Variants in SIDT1 observed in about 807,000 individuals in gnomAD.
SIDT1 encodes SID1 transmembrane family, member 1.
SIDT1 carries 101 observed loss-of-function variants against 107.5 expected under a neutral mutation model. That is an observed-to-expected ratio of 0.94 (90% CI 0.80 to 1.11). The LOEUF (loss-of-function observed/expected upper bound fraction) is 1.11, where lower values mean the gene tolerates loss of function less well. Ranked by LOEUF, SIDT1 falls within the 50% of genes least tolerant of loss-of-function variation. The pLI is 0.00. For synonymous variants in SIDT1, 395 were observed against 398.2 expected, an observed-to-expected ratio of 0.99 and a Z score of 0.10; for missense variants, 1,076 against 1,058.2, an observed-to-expected ratio of 1.02 and a Z score of -0.23.
In SIDT1 at chr3:113,628,791, C is replaced by T. The variant is rs907065499; in HGVS notation, c.*1083C>T. The T allele has an allele frequency of 6.6e-6, 1 of 152,218 alleles. No individual in the cohort carries two copies. The highest frequency in any genetic ancestry group is 1.5e-5 in the Non-Finnish European group (1 of 68,052). The allele number at this position is 152,218 out of a possible 1,614,324, so 9.4% of individuals were successfully genotyped here. Reference sequence around the variant, plus strand: ...TGTAGATCAGGGTTCTAGACTTCTTCCCTGAGGTTCTCAGAAGCAGCTCTC... The same window carrying T: ...TGTAGATCAGGGTTCTAGACTTCTTTCCTGAGGTTCTCAGAAGCAGCTCTC... On this transcript the variant is annotated 3_prime_UTR_variant, in exon 25 of 25. Coordinates refer to ENST00000264852, the MANE Select transcript of SIDT1 (RefSeq NM_017699.3).
intron 1 of SIDT1, among the ~76,000 whole-genome samples, chr3:113,534,031 T>C (rs1937795479): frequency 6.6e-6 from 1 of 152,120 alleles, no homozygotes; most frequent in Non-Finnish European, 1.5e-5. Context: ...TTCTTTCCTC[T>C]AGTGTGGTAC....
At position 113,580,616 on chromosome 3, in the gene SIDT1, A is replaced by G. The variant is rs766298087; in HGVS notation, c.570A>G (p.Leu190=). 1.1e-5 allele frequency: 18 copies of G among 1,595,514 alleles called. No homozygotes were observed. The East Asian group carries it at 3.1e-4, about 28-fold the overall frequency. The stretch of plus-strand genomic sequence containing the variant: ...CTTTTTCTTATTCTCAGTATTTTCT[A>G]TACAAGTTTCCCAAAGACGTGGACT... ...TASPSQPQYF[L]YKFPKDVDSV... Residue 190 remains leucine (L), a synonymous_variant, in exon 5 of 25, where the codon CTA becomes CTG. Transcript: ENST00000264852.
At chr3:113,562,349 A>G (rs567253885) in intron 1 of SIDT1, among the ~76,000 whole-genome samples, 6 of 152,390 alleles carry the variant, frequency 3.9e-5, no homozygotes, top group African/African-American at 1.4e-4. Context: ...CATGTCTCCC[A>G]GCAATTCTAC....
intron 10 of SIDT1, among the ~76,000 whole-genome samples, chr3:113,594,300 C>T (rs1284552034): frequency 6.6e-6 from 1 of 152,164 alleles, no homozygotes; most frequent in Admixed American, 6.5e-5. Context: ...TAAAAGAACA[C>T]CTGCTCTCGT....
intron 1 of SIDT1, among the ~76,000 whole-genome samples, chr3:113,554,734 A>G (rs991611994): frequency 6.6e-6 from 1 of 152,182 alleles, no homozygotes; most frequent in African/African-American, 2.4e-5. Flanking sequence ...TCTCCATTCC[A>G]TGAGTATTAG....
chr3:113,532,972 G>C lies in SIDT1; in HGVS notation c.-50G>C. 8.1e-7 allele frequency: 1 copy of C among 1,228,500 alleles called. No homozygotes were observed. The highest frequency in any genetic ancestry group is 1.0e-6 in the Non-Finnish European group (1 of 958,000). The allele number at this position is 1,228,500 out of a possible 1,614,324, so 76.1% of individuals were successfully genotyped here. A position where few individuals can be genotyped will look rare whatever the true frequency, so the allele number is the denominator to read the frequency against. On this transcript the variant is annotated 5_prime_UTR_variant, in exon 1 of 25. Coordinates refer to ENST00000264852, the MANE Select transcript of SIDT1 (RefSeq NM_017699.3). ...CTTTGGAAGGACCCTCTCTGCGCTC[G>C]CCCCCTCCCCAGGGTGGCTCCGCTT...
chr3:113,582,977 A>G (rs1042553945), intron 6 of SIDT1, among the ~76,000 whole-genome samples: 3 of 152,194 alleles, frequency 2.0e-5, no homozygotes, highest in Non-Finnish European at 2.9e-5. Flanking sequence ...AGCCAAGATG[A>G]TAACTGAGTC....
intron 19 of SIDT1, among the ~76,000 whole-genome samples, chr3:113,615,501 C>A (rs1560131975): frequency 6.6e-6 from 1 of 152,222 alleles, no homozygotes; most frequent in Non-Finnish European, 1.5e-5. Context: ...CATTTCATAT[C>A]ATCCTTTTCA....
At chr3:113,563,815 A>T (rs1296523431) in intron 1 of SIDT1, among the ~76,000 whole-genome samples, 2 of 152,350 alleles carry the variant, frequency 1.3e-5, no homozygotes, top group South Asian at 4.1e-4. Context: ...TTTTAGGATT[A>T]TTAATTTTAT....
intron 9 of SIDT1, 82 bp from the exon 10 acceptor site, chr3:113,592,923 C>G: frequency 1.8e-6 from 2 of 1,136,696 alleles, no homozygotes; most frequent in Non-Finnish European, 2.7e-6. Context: ...GTAGACAAAT[C>G]CGCAACAAAA....
intron 21 of SIDT1, among the ~76,000 whole-genome samples, chr3:113,622,286 A>C (rs950382221): frequency 5.3e-5 from 8 of 151,854 alleles, no homozygotes; most frequent in Non-Finnish European, 8.8e-5. Context: ...AAGATGGTGA[A>C]ACCCCGTCTC....
chr3:113,608,089 T>C lies in SIDT1; in HGVS notation c.1479-5T>C. Reference sequence around the variant, plus strand: ...TCTCTCATGGTCTCTCACTCATCCCTGTAGTGCCTTCAACAACATTCTCAG... The same window carrying C: ...TCTCTCATGGTCTCTCACTCATCCCCGTAGTGCCTTCAACAACATTCTCAG... On this transcript the variant is annotated splice_polypyrimidine_tract_variant and splice_region_variant and intron_variant, in intron 15 of 24. Transcript: ENST00000264852. 6.3e-7 allele frequency: 1 copy of C among 1,596,914 alleles called. No homozygotes were observed. The highest frequency in any genetic ancestry group is 1.1e-5 in the South Asian group (1 of 87,532).
intron 8 of SIDT1, 65 bp downstream of exon 8, chr3:113,584,834 A>T (rs1943623462): frequency 1.8e-6 from 2 of 1,105,298 alleles, no homozygotes; most frequent in Non-Finnish European, 1.3e-6. Flanking sequence ...ATATAATTTG[A>T]TATTACTGTC....
intron 1 of SIDT1, among the ~76,000 whole-genome samples, chr3:113,534,852 T>C (rs1486245610): frequency 6.6e-6 from 1 of 152,250 alleles, no homozygotes; most frequent in Non-Finnish European, 1.5e-5. Context: ...ATTTTCCCCT[T>C]GTACTGTGTG....
intron 10 of SIDT1, among the ~76,000 whole-genome samples, chr3:113,598,699 A>G (rs1944749387): frequency 6.6e-6 from 1 of 152,248 alleles, no homozygotes; most frequent in African/African-American, 2.4e-5. Context: ...ATATTATATG[A>G]TAAAATATAT....
intron 1 of SIDT1, among the ~76,000 whole-genome samples, chr3:113,536,864 T>G (rs1330180583): frequency 6.6e-6 from 1 of 152,248 alleles, no homozygotes; most frequent in Non-Finnish European, 1.5e-5. Flanking sequence ...AGGAAGTGTC[T>G]GGAGACTCTC....
intron 19 of SIDT1, among the ~76,000 whole-genome samples, chr3:113,613,746 G>A (rs1205893932): frequency 2.0e-5 from 3 of 152,226 alleles, no homozygotes; most frequent in Non-Finnish European, 4.4e-5. Context: ...ATAAACTTGA[G>A]TGCAGATATA....
At chr3:113,626,813 A>G (rs1946883440) in intron 24 of SIDT1, among the ~76,000 whole-genome samples, 1 of 152,216 alleles carries the variant, frequency 6.6e-6, no homozygotes, top group Non-Finnish European at 1.5e-5. Context: ...ATTTTTCCCA[A>G]TTAAAAGTCC....
At chr3:113,570,734 A>T (rs1942371951) in intron 3 of SIDT1, among the ~76,000 whole-genome samples, 1 of 152,264 alleles carries the variant, frequency 6.6e-6, no homozygotes, top group Non-Finnish European at 1.5e-5. Flanking sequence ...GGGCTCAGGC[A>T]TTGAGAGAAA....
Sources: gnomAD v4.1 joint callset for allele counts (sites outside exome capture counted in the v4.1 genomes callset) on GRCh38, gnomAD v4.1.1 for gene constraint, MANE v1.5 for transcripts, NCBI Gene and HGNC (gene_info 2026-07-23, HGNC 2026-07-21) for gene names.